TAFA5: variants seen among roughly 807,000 people sequenced by gnomAD.
The protein encoded by TAFA5 is TAFA chemokine like family member 5.
TAFA5 carries 6 observed loss-of-function variants against 15.3 expected under a neutral mutation model. The ratio of observed to expected loss-of-function variants is 0.39; its 90% CI spans 0.21 to 0.77. The LOEUF is 0.77. TAFA5 is among the 30% of genes least tolerant of loss of function. The probability of loss-of-function intolerance (pLI) is 0.41; values close to 1 mark genes in which losing one functional copy is unlikely to be tolerated. For missense variants in TAFA5, 161 were observed against 193.1 expected, an observed-to-expected ratio of 0.83 and a Z score of 0.98; for synonymous variants, 103 against 80.7, an observed-to-expected ratio of 1.28 and a Z score of -1.48.
intron 1 of TAFA5, among the ~76,000 whole-genome samples, chr22:48,615,225 G>A (rs996471610): frequency 6.6e-6 from 1 of 152,194 alleles, no homozygotes; most frequent in Non-Finnish European, 1.5e-5. Context: ...AGTGATAAGA[G>A]TTCTTAATTA....
intron 2 of TAFA5, among the ~76,000 whole-genome samples, chr22:48,683,974 C>T (rs1928275950): frequency 6.6e-6 from 1 of 152,138 alleles, no homozygotes; most frequent in African/African-American, 2.4e-5. Context: ...TCTGTGGCCT[C>T]CCCAGCCATG....
intron 1 of TAFA5, among the ~76,000 whole-genome samples, chr22:48,563,677 T>C (rs1923315412): frequency 6.6e-6 from 1 of 152,298 alleles, no homozygotes; most frequent in African/African-American, 2.4e-5. Context: ...GCCTCCTCCC[T>C]CTGAGCAGCA....
rs774037392 is a variant in TAFA5, at chr22:48,560,136, G to A, written c.112+70432G>A. ...CCACGTGCCGTCCCATGGGAAAGCC[G>A]AGTCCTTGTAGGGGAGGAGCGTCAC... On this transcript the variant is annotated intron_variant, in intron 1 of 3. Transcript: ENST00000402357. This position sits in a 1 kb window ranked among gnomAD's most constrained non-coding sequence, Gnocchi z 4.2. 1.3e-5 allele frequency among the ~76,000 whole-genome samples: 2 copies of A among 152,230 alleles called. No homozygotes were observed. Among genetic ancestry groups the A allele is most frequent in the South Asian group, 2.1e-4 (1 of 4,834 alleles).
chr22:48,688,577 G>T (rs13057473), intron 2 of TAFA5, among the ~76,000 whole-genome samples: 34,019 of 152,108 alleles, frequency 0.22, 4,079 homozygotes, highest in Admixed American at 0.32. Context: ...CTGGCTGCTC[G>T]GGGGACGGTG....
At chr22:48,693,406 A>G (rs894544406) in intron 2 of TAFA5, 2 of 1,612,264 alleles carry the variant, frequency 1.2e-6, no homozygotes, top group Non-Finnish European at 1.7e-6. Context: ...CGTGCGCGTC[A>G]TAGTGCAGCC....
intron 3 of TAFA5, among the ~76,000 whole-genome samples, chr22:48,711,869 G>A (rs1929264931): frequency 6.6e-6 from 1 of 152,188 alleles, no homozygotes; most frequent in Admixed American, 6.5e-5. Context: ...TTCCGGTGTG[G>A]GCCGTTGCCG....
chr22:48,607,839 C>A (rs1270726568), intron 1 of TAFA5, among the ~76,000 whole-genome samples: 1 of 152,118 alleles, frequency 6.6e-6, no homozygotes, highest in Non-Finnish European at 1.5e-5. Flanking sequence ...TAAAACTTTC[C>A]ATTTTTTGCT....
intron 1 of TAFA5, among the ~76,000 whole-genome samples, chr22:48,557,625 T>C (rs1472118359): frequency 6.6e-6 from 1 of 152,196 alleles, no homozygotes; most frequent in Non-Finnish European, 1.5e-5. Flanking sequence ...CACTGAAAGC[T>C]GGTAGCTAAG....
chr22:48,531,373 C>T (rs1340231229), intron 1 of TAFA5, among the ~76,000 whole-genome samples: 4 of 152,166 alleles, frequency 2.6e-5, no homozygotes, highest in African/African-American at 4.8e-5. Context: ...CTTCCTGGAG[C>T]GGACAGTGAG....
At chr22:48,729,288 A>C (rs1929794284) in intron 3 of TAFA5, among the ~76,000 whole-genome samples, 1 of 140,520 alleles carries the variant, frequency 7.1e-6, no homozygotes, top group East Asian at 2.0e-4. Context: ...TAAATATATA[A>C]TAATTTTATA....
In TAFA5 at chr22:48,698,384, TTGATGATGG is replaced by T. The variant is rs531634715; in HGVS notation, c.263-9327_263-9319del. ...CAGGAGGCCAAGGGAAGGGAATCAG[TTGATGATGG>T]TGATGGTGGTGATGGTGATAATGAT... On this transcript the variant is annotated intron_variant, in intron 2 of 3. Transcript: ENST00000402357. Among the ~76,000 whole-genome samples, 636 of 145,064 alleles carry T rather than the reference TTGATGATGG, an allele frequency of 4.4e-3. 4 individuals are homozygous for T. Among genetic ancestry groups the T allele is most frequent in the Non-Finnish European group, 7.1e-3 (467 of 66,210 alleles).
intron 2 of TAFA5, among the ~76,000 whole-genome samples, chr22:48,655,712 G>A (rs1433506225): frequency 2.0e-5 from 3 of 152,202 alleles, no homozygotes; most frequent in East Asian, 1.9e-4. Flanking sequence ...TGTTCTTAAC[G>A]CAGCTGTGGC....
At chr22:48,658,356 G>A (rs60039228) in intron 2 of TAFA5, among the ~76,000 whole-genome samples, 5,796 of 152,348 alleles carry the variant, frequency 0.038, 192 homozygotes, top group East Asian at 0.13. Flanking sequence ...AGCCTGCAGC[G>A]TTGCTTGTCC....
intron 1 of TAFA5, among the ~76,000 whole-genome samples, chr22:48,536,849 G>C (rs1601562654): frequency 6.6e-6 from 1 of 152,334 alleles, no homozygotes; most frequent in South Asian, 2.1e-4. Context: ...TGGAGGAGTG[G>C]CTGGGAGCTG....
Position 48,575,020 on chromosome 22 carries a change from TTGTG to T in TAFA5, c.113-71571_113-71568del, listed in dbSNP as rs201855877. 5.3e-5 allele frequency among the ~76,000 whole-genome samples: 8 copies of T among 152,058 alleles called. No homozygotes were observed. In the South Asian group the frequency reaches 6.2e-4, roughly 12 times the overall value. ...ACAGTAGGGGCAGGTGTGAGTGTGT[TTGTG>T]TGTGTTTCCAGGCAGATGTGCCGTT... On this transcript the variant is annotated intron_variant, in intron 1 of 3. Transcript: ENST00000402357.
intron 2 of TAFA5, among the ~76,000 whole-genome samples, chr22:48,672,561 G>C (rs5771932): frequency 6.6e-6 from 1 of 152,032 alleles, no homozygotes; most frequent in African/African-American, 2.4e-5. Flanking sequence ...TAGAATTACA[G>C]CACAAACAGA....
At chr22:48,690,030 T>C (rs1400662902) in intron 2 of TAFA5, among the ~76,000 whole-genome samples, 1 of 98,606 alleles carries the variant, frequency 1.0e-5, no homozygotes, top group Non-Finnish European at 2.2e-5. Context: ...CTCACAGCAC[T>C]GGGGGAGGTG....
chr22:48,636,488 G>A (rs1483429505), intron 1 of TAFA5, among the ~76,000 whole-genome samples: 2 of 124,810 alleles, frequency 1.6e-5, no homozygotes, highest in East Asian at 5.2e-4. Context: ...TGTACAATCA[G>A]CGATAAGACT....
At chr22:48,718,781 C>G (rs932526205) in intron 3 of TAFA5, among the ~76,000 whole-genome samples, 1 of 152,174 alleles carries the variant, frequency 6.6e-6, no homozygotes, top group Non-Finnish European at 1.5e-5. Flanking sequence ...TCCAGTCCTC[C>G]GTGTGAGCCT....
Sources: gnomAD v4.1 joint callset for allele counts (sites outside exome capture counted in the v4.1 genomes callset) on GRCh38, gnomAD v4.1.1 for gene constraint, Gnocchi (gnomAD v3.1) non-coding constraint, MANE v1.5 for transcripts, NCBI Gene and HGNC (gene_info 2026-07-23, HGNC 2026-07-21) for gene names.